Variants in PRICKLE2 observed in about 807,000 individuals in gnomAD.
PRICKLE2 encodes prickle planar cell polarity protein 2.
A neutral mutation model predicts 81.4 loss-of-function variants in PRICKLE2; 21 were observed. The ratio of observed to expected loss-of-function variants is 0.26; its 90% CI spans 0.18 to 0.37. The LOEUF (loss-of-function observed/expected upper bound fraction) is 0.37. Among genes scored for constraint, PRICKLE2 ranks in the 10% least tolerant of loss-of-function variants. The pLI is 1.00. For synonymous variants in PRICKLE2, 456 were observed against 421.5 expected (o/e 1.08, Z -1.00); for missense variants, 940 against 1,109.0 (o/e 0.85, Z 2.16).
chr3:64,105,242 C>A (rs2076736379), intron 7 of PRICKLE2, among the ~76,000 whole-genome samples: 1 of 152,156 alleles, frequency 6.6e-6, no homozygotes, highest in African/African-American at 2.4e-5. Flanking sequence ...AGTTAGTTGT[C>A]TTCTGGCCAA....
At chr3:64,232,192 T>C (rs2079114693) in intron 2 of PRICKLE2, among the ~76,000 whole-genome samples, 1 of 152,210 alleles carries the variant, frequency 6.6e-6, no homozygotes, top group Admixed American at 6.5e-5. Context: ...CCTTGGTCAA[T>C]GTTAACGATT....
intron 7 of PRICKLE2, among the ~76,000 whole-genome samples, chr3:64,116,050 A>T (rs999129858): frequency 2.0e-5 from 3 of 152,220 alleles, no homozygotes. Context: ...ATTCACTCAA[A>T]ACCATACAAT....
At chr3:64,239,855 C>T (rs1386928995) in intron 2 of PRICKLE2, among the ~76,000 whole-genome samples, 1 of 148,614 alleles carries the variant, frequency 6.7e-6, no homozygotes, top group African/African-American at 2.5e-5. Flanking sequence ...TGGCTCATGC[C>T]TGTAATCCCA....
intron 2 of PRICKLE2, among the ~76,000 whole-genome samples, chr3:64,165,292 TG>T (rs748498894): frequency 1.3e-5 from 2 of 152,152 alleles, no homozygotes; most frequent in African/African-American, 2.4e-5. Context: ...GAATCTTCCC[TG>T]CACCCTCTAG....
chr3:64,194,777 C>A (rs551091018), intron 2 of PRICKLE2, among the ~76,000 whole-genome samples: 10 of 152,116 alleles, frequency 6.6e-5, no homozygotes, highest in Non-Finnish European at 1.5e-4. Context: ...GTCTTCAGAC[C>A]AGGCGTGGTG....
At chr3:64,110,959 CAAAAAAAAAA>C (rs550808708) in intron 7 of PRICKLE2, among the ~76,000 whole-genome samples, 3 of 63,866 alleles carry the variant, frequency 4.7e-5, no homozygotes, top group Non-Finnish European at 8.0e-5. Flanking sequence ...GACTCCATCT[CAAAAAAAAAA>C]AAAAAAAAAA....
chr3:64,220,175 A>G (rs2078929918), intron 1 of PRICKLE2, among the ~76,000 whole-genome samples: 2 of 152,256 alleles, frequency 1.3e-5, no homozygotes. Flanking sequence ...TTTCATGAGC[A>G]GGCATCTCTA....
At chr3:64,210,344 G>A (rs1247299832) in intron 1 of PRICKLE2, among the ~76,000 whole-genome samples, 1 of 152,108 alleles carries the variant, frequency 6.6e-6, no homozygotes, top group Non-Finnish European at 1.5e-5. Context: ...AGGGACCCAG[G>A]CATGAACCTT....
Position 64,099,416 on chromosome 3 carries a change from C to A in PRICKLE2, c.2170G>T (p.Asp724Tyr). Residue 724 changes from aspartate to tyrosine, a missense_variant, in exon 8 of 8, where the codon GAC becomes TAC. Asp to Tyr is a radical substitution (Grantham distance 160, BLOSUM62 -3). Coordinates refer to ENST00000638394, the MANE Select transcript of PRICKLE2 (RefSeq NM_198859.4). The surrounding 1 kb of genome is among the most constrained non-coding windows in gnomAD (Gnocchi z 4.3). ...RPPLRAREDY[D>Y]QFMRQRSFQE... Reference sequence around the variant, plus strand: ...AAGCTCCGCTGGCGCATAAATTGGTCATAGTCCTCCCTGGCTCTCAGAGGG... The same window carrying A: ...AAGCTCCGCTGGCGCATAAATTGGTAATAGTCCTCCCTGGCTCTCAGAGGG... 6.3e-7 allele frequency: 1 copy of A among 1,596,302 alleles called. No individual in the cohort carries two copies. The highest frequency in any genetic ancestry group is 1.1e-5 in the South Asian group (1 of 89,734).
At chr3:64,181,351 C>T (rs544658547) in intron 2 of PRICKLE2, among the ~76,000 whole-genome samples, 369 of 152,200 alleles carry the variant, frequency 2.4e-3, no homozygotes, top group African/African-American at 8.0e-3. Context: ...GGCATCCTTC[C>T]GCATCCTGAC....
chr3:64,239,952 CAAA>C (rs57932723), intron 2 of PRICKLE2, among the ~76,000 whole-genome samples: 6 of 32,238 alleles, frequency 1.9e-4, no homozygotes, highest in African/African-American at 5.8e-4. Flanking sequence ...CCATCGCTAC[CAAA>C]AAAAAAAAAA....
chr3:64,147,316 G>C lies in PRICKLE2; in HGVS notation c.1174C>G (p.Pro392Ala). The change falls in exon 7 of 8, where the codon CCC becomes GCC. Residue 392 changes from proline (P) to alanine (A), a missense_variant. By Grantham distance (27) the Pro-to-Ala change is conservative. Transcript: ENST00000638394. The surrounding 1 kb of genome is among the most constrained non-coding windows in gnomAD (Gnocchi z 5.0). ...GGCTCTTCCCGGCTCCTCCAGATGG[G>C]GTCCCGGTTGAGGCTGGGTGTCTGG... is the stretch of plus-strand genomic sequence containing the variant. ...SSQTPSLNRD[P>A]IWRSREEPYH... is the part of the protein sequence containing the mutation. 6.2e-7 allele frequency: 1 copy of C among 1,614,002 alleles called. No individual in the cohort carries two copies. The highest frequency in any genetic ancestry group is 8.5e-7 in the Non-Finnish European group (1 of 1,179,932).
intron 1 of PRICKLE2, among the ~76,000 whole-genome samples, chr3:64,217,825 C>T (rs758156596): frequency 5.3e-5 from 8 of 152,172 alleles, no homozygotes; most frequent in Non-Finnish European, 1.0e-4. Context: ...ATTTGACATA[C>T]TAATCATATG....
chr3:64,112,652 C>T (rs1272298428), intron 7 of PRICKLE2, among the ~76,000 whole-genome samples: 1 of 152,146 alleles, frequency 6.6e-6, no homozygotes, highest in Non-Finnish European at 1.5e-5. Flanking sequence ...AAAAGTTAAC[C>T]TCCAAGTGGG....
chr3:64,106,765 T>A (rs72874619), intron 7 of PRICKLE2, among the ~76,000 whole-genome samples: 3,292 of 152,306 alleles, frequency 0.022, 120 homozygotes, highest in African/African-American at 0.074. Flanking sequence ...GGGGTGTGTG[T>A]GTGTCTGTGT....
chr3:64,266,074 A>C (rs1233866565), intron 2 of PRICKLE2, among the ~76,000 whole-genome samples: 1 of 152,186 alleles, frequency 6.6e-6, no homozygotes, highest in Non-Finnish European at 1.5e-5. Flanking sequence ...ACTGCCTTGT[A>C]ACAGAGCTTT....
Position 64,097,372 on chromosome 3 carries a change from C to T in PRICKLE2, c.*1679G>A, listed in dbSNP as rs534623651. 3.3e-5 allele frequency: 5 copies of T among 152,646 alleles called. No individual in the cohort carries two copies. The East Asian group carries it at 5.8e-4, about 18-fold the overall frequency. The allele number at this position is 152,646 out of a possible 1,614,324, so 9.5% of individuals were successfully genotyped here. ...TACTATACTGAAAAGAGATCACGCT[C>T]ACCTCACCATGGCAGATGGCCACTG... On this transcript the variant is annotated 3_prime_UTR_variant, in exon 8 of 8. Transcript: ENST00000638394.
At chr3:64,256,437 C>T (rs1204839017) in intron 2 of PRICKLE2, among the ~76,000 whole-genome samples, 1 of 152,076 alleles carries the variant, frequency 6.6e-6, no homozygotes, top group African/African-American at 2.4e-5. Context: ...ACACAAGTAC[C>T]TACATACTAG....
At chr3:64,215,741 G>A (rs1434359750) in intron 1 of PRICKLE2, among the ~76,000 whole-genome samples, 1 of 152,184 alleles carries the variant, frequency 6.6e-6, no homozygotes, top group Non-Finnish European at 1.5e-5. Flanking sequence ...TTAAATGAAA[G>A]TATGCAAAAG....
Sources: allele counts gnomAD v4.1 joint callset (sites outside exome capture counted in the v4.1 genomes callset), GRCh38; gene constraint gnomAD v4.1.1; non-coding constraint Gnocchi (gnomAD v3.1); transcripts MANE v1.5; gene names NCBI Gene and HGNC (gene_info 2026-07-23, HGNC 2026-07-21).